Variants in ARFIP1 observed in about 807,000 individuals in gnomAD.
ARFIP1 encodes the protein ARF interacting protein 1.
ARFIP1 carries 24 observed loss-of-function variants against 42.5 expected under a neutral mutation model. That is an observed-to-expected ratio of 0.57 (90% CI 0.41 to 0.80). The LOEUF is 0.80. ARFIP1 is among the 30% of genes least tolerant of loss of function. The probability of loss-of-function intolerance (pLI) is 0.00; values close to 1 mark genes in which losing one functional copy is unlikely to be tolerated. For missense variants in ARFIP1, 354 were observed against 434.0 expected, an observed-to-expected ratio of 0.82 and a Z score of 1.64; for synonymous variants, 141 against 153.7, an observed-to-expected ratio of 0.92 and a Z score of 0.61.
chr4:152,850,894 G>A (rs1319333420), intron 2 of ARFIP1, among the ~76,000 whole-genome samples: 1 of 152,190 alleles, frequency 6.6e-6, no homozygotes, highest in African/African-American at 2.4e-5. Context: ...GGTTAATAGT[G>A]TTACAGAACT....
chr4:152,853,905 C>CTTTTT (rs36055484), intron 2 of ARFIP1, among the ~76,000 whole-genome samples: 122 of 74,768 alleles, frequency 1.6e-3, no homozygotes, highest in African/African-American at 3.0e-3. Context: ...TTCTGAGATT[C>CTTTTT]TTTTTTTTTT....
At chr4:152,896,423 A>C (rs1021189284) in intron 8 of ARFIP1, among the ~76,000 whole-genome samples, 17 of 152,244 alleles carry the variant, frequency 1.1e-4, no homozygotes, top group African/African-American at 4.1e-4. Context: ...AGCTATTTAA[A>C]AAAATGAGAA....
At chr4:152,881,463 A>G (rs954391598) in intron 6 of ARFIP1, among the ~76,000 whole-genome samples, 4 of 152,156 alleles carry the variant, frequency 2.6e-5, no homozygotes, top group Admixed American at 6.5e-5. Flanking sequence ...ATCAATATCA[A>G]GGGTTACTGT....
intron 2 of ARFIP1, among the ~76,000 whole-genome samples, chr4:152,835,581 T>C (rs933408477): frequency 6.6e-6 from 1 of 152,196 alleles, no homozygotes; most frequent in African/African-American, 2.4e-5. Flanking sequence ...TTCCAAATTT[T>C]CCTTCACCTT....
intron 8 of ARFIP1, among the ~76,000 whole-genome samples, chr4:152,895,143 G>T (rs1464152687): frequency 6.6e-6 from 1 of 152,144 alleles, no homozygotes; most frequent in Non-Finnish European, 1.5e-5. Context: ...GCAAATGATA[G>T]GTCTAAAATA....
intron 8 of ARFIP1, among the ~76,000 whole-genome samples, chr4:152,908,103 T>C (rs1350945319): frequency 6.6e-6 from 1 of 152,228 alleles, no homozygotes; most frequent in Non-Finnish European, 1.5e-5. Context: ...CTAATGAGAC[T>C]AGATATCTTC....
chr4:152,900,473 A>G (rs1198409335), intron 8 of ARFIP1, among the ~76,000 whole-genome samples: 2 of 152,098 alleles, frequency 1.3e-5, no homozygotes, highest in Non-Finnish European at 2.9e-5. Context: ...GCATCAGAAG[A>G]ATGTAAAAAC....
intron 8 of ARFIP1, among the ~76,000 whole-genome samples, chr4:152,908,396 C>T (rs1561189153): frequency 6.6e-6 from 1 of 152,088 alleles, no homozygotes; most frequent in Admixed American, 6.6e-5. Context: ...GAGGCCAAGG[C>T]GGGCAGATCA....
chr4:152,866,823 C>T (rs1410068986), intron 3 of ARFIP1, among the ~76,000 whole-genome samples: 13 of 147,070 alleles, frequency 8.8e-5, no homozygotes, highest in Admixed American at 7.4e-4. Flanking sequence ...CAGATGGGGT[C>T]GCGGCCAGGC....
At chr4:152,834,717 C>G (rs957371887) in intron 2 of ARFIP1, among the ~76,000 whole-genome samples, 1 of 152,212 alleles carries the variant, frequency 6.6e-6, no homozygotes, top group Non-Finnish European at 1.5e-5. Flanking sequence ...GTGCCTTTTC[C>G]ACACTGAGAT....
intron 1 of ARFIP1, among the ~76,000 whole-genome samples, chr4:152,803,598 A>T (rs1728595559): frequency 6.6e-6 from 1 of 152,142 alleles, no homozygotes; most frequent in Non-Finnish European, 1.5e-5. Flanking sequence ...AGCTGTCATG[A>T]TCAATGATAA....
intron 2 of ARFIP1, among the ~76,000 whole-genome samples, chr4:152,852,668 C>A (rs552012505): frequency 6.6e-6 from 1 of 151,992 alleles, no homozygotes; most frequent in South Asian, 2.1e-4. Flanking sequence ...GTAAAGAAAG[C>A]ACATTTAAAA....
At chr4:152,834,949 G>C (rs1189289854) in intron 2 of ARFIP1, among the ~76,000 whole-genome samples, 1 of 152,232 alleles carries the variant, frequency 6.6e-6, no homozygotes, top group Non-Finnish European at 1.5e-5. Flanking sequence ...GCACAGCTGG[G>C]ATGTGGGGAG....
chr4:152,784,868 A>G (rs1324511263), intron 1 of ARFIP1, among the ~76,000 whole-genome samples: 2 of 152,254 alleles, frequency 1.3e-5, no homozygotes, highest in African/African-American at 4.8e-5. Context: ...CTGTGATAGC[A>G]TTGGACTAGC....
chr4:152,871,954 C>T (rs568323802), intron 4 of ARFIP1, among the ~76,000 whole-genome samples: 66 of 152,104 alleles, frequency 4.3e-4, no homozygotes, highest in African/African-American at 1.5e-3. Flanking sequence ...TTGAATTGAA[C>T]TACTGTATGA....
intron 1 of ARFIP1, among the ~76,000 whole-genome samples, chr4:152,822,949 A>G (rs1217143699): frequency 1.3e-5 from 2 of 152,240 alleles, no homozygotes; most frequent in East Asian, 1.9e-4. Context: ...ATAAAAAAAT[A>G]TGAAATATTA....
At chr4:152,787,559 A>G (rs909949707) in intron 1 of ARFIP1, among the ~76,000 whole-genome samples, 3 of 152,282 alleles carry the variant, frequency 2.0e-5, no homozygotes, top group African/African-American at 7.2e-5. Flanking sequence ...GGTTATACGT[A>G]GCATATAAAT....
At chr4:152,878,698 T>C (rs1033552785) in intron 5 of ARFIP1, among the ~76,000 whole-genome samples, 2 of 152,188 alleles carry the variant, frequency 1.3e-5, no homozygotes, top group African/African-American at 4.8e-5. Flanking sequence ...CATTTCCTCA[T>C]TAATTCTTCA....
intron 1 of ARFIP1, among the ~76,000 whole-genome samples, chr4:152,813,774 ATAATCT>A (rs1729656207): frequency 6.6e-6 from 1 of 152,184 alleles, no homozygotes; most frequent in Non-Finnish European, 1.5e-5. Flanking sequence ...GCCCCAGAAG[ATAATCT>A]TATAACATTT....
Sources: gnomAD v4.1 joint callset for allele counts (sites outside exome capture counted in the v4.1 genomes callset) on GRCh38, gnomAD v4.1.1 for gene constraint, MANE v1.5 for transcripts, NCBI Gene and HGNC (gene_info 2026-07-23, HGNC 2026-07-21) for gene names.